ITM2B: variants seen among roughly 807,000 people sequenced by gnomAD.
ITM2B encodes the protein integral membrane protein 2B.
A neutral mutation model predicts 27.8 loss-of-function variants in ITM2B; 11 were observed. The ratio of observed to expected loss-of-function variants is 0.40; its 90% confidence interval spans 0.25 to 0.66. The LOEUF is 0.66. Among genes scored for constraint, ITM2B ranks in the 30% least tolerant of loss-of-function variants. The pLI is 0.43. For synonymous variants in ITM2B, 114 were observed against 114.3 expected (o/e 1.00, Z 0.02); for missense variants, 296 against 328.9 (o/e 0.90, Z 0.77).
At position 48,268,180 on chromosome 13, in the gene ITM2B, A is replaced by G. The variant is rs1466126110; in HGVS notation, c.*6956A>G. The G allele has an allele frequency of 6.6e-6, 1 of 152,192 alleles. No homozygotes were observed. Among genetic ancestry groups the G allele is most frequent in the East Asian group, 1.9e-4 (1 of 5,206 alleles). 9.4% of individuals were successfully genotyped at this position (152,192 alleles called of 1,614,324 possible). ...TCTTTTTGTTTGGCTTTTAAAACTCAGTATAACGTTTTGACATTTGTCCAT... is the reference window on the plus strand; with the variant it reads ...TCTTTTTGTTTGGCTTTTAAAACTCGGTATAACGTTTTGACATTTGTCCAT... On this transcript the variant is annotated 3_prime_UTR_variant, in exon 6 of 6. Coordinates refer to ENST00000647800, the MANE Select transcript of ITM2B (RefSeq NM_021999.5).
At position 48,265,630 on chromosome 13, in the gene ITM2B, T is replaced by G. The variant is rs2138001417; in HGVS notation, c.*4406T>G. 1 of 152,726 alleles carries G rather than the reference T, an allele frequency of 6.5e-6. No individual in the cohort carries two copies. The highest frequency in any genetic ancestry group is 1.5e-5 in the Non-Finnish European group (1 of 68,198). The allele number at this position is 152,726 out of a possible 1,614,324, so 9.5% of individuals were successfully genotyped here. ...TGCACAGTCCAGTCCCAACCCACTCTCCAGCTTCATCTTAATCACACCCCT... is the reference window on the plus strand; with the variant it reads ...TGCACAGTCCAGTCCCAACCCACTCGCCAGCTTCATCTTAATCACACCCCT... On this transcript the variant is annotated 3_prime_UTR_variant, in exon 6 of 6. Transcript: ENST00000647800.
rs375438009 is a variant in ITM2B at position 48,245,908 on chromosome 13, A to G, written c.118-7900A>G. 5.3e-4 allele frequency among the ~76,000 whole-genome samples: 81 copies of G among 151,926 alleles called. No individual in the cohort carries two copies. In the East Asian group the frequency reaches 0.015, roughly 27 times the overall value. On this transcript the variant is annotated intron_variant, in intron 1 of 5. Coordinates refer to ENST00000647800, the MANE Select transcript of ITM2B (RefSeq NM_021999.5). ...ATTCTCCTGCCTCAGCCTCCCGAGT[A>G]GCTGGGACTACAGGCGCCTGCCACC...
At chr13:48,251,936 C>G (rs191671107) in intron 1 of ITM2B, among the ~76,000 whole-genome samples, 1 of 152,340 alleles carries the variant, frequency 6.6e-6, no homozygotes, top group African/African-American at 2.4e-5. Flanking sequence ...CTTTTCACAG[C>G]TGGGATATCT....
rs1202112246 is a variant in ITM2B at position 48,264,981 on chromosome 13, G to C, written c.*3757G>C. The C allele has an allele frequency of 6.6e-6, 1 of 151,980 alleles. No homozygotes were observed. Among genetic ancestry groups the C allele is most frequent in the Non-Finnish European group, 1.5e-5 (1 of 68,006 alleles). The allele number at this position is 151,980 out of a possible 1,614,324, so 9.4% of individuals were successfully genotyped here. ...TAGATTCCACACTTTTAATCTTCCA[G>C]CCACCTATTGCAGATTGGTTCTGAG... On this transcript the variant is annotated 3_prime_UTR_variant, in exon 6 of 6. Coordinates refer to ENST00000647800, the MANE Select transcript of ITM2B (RefSeq NM_021999.5).
chr13:48,252,925 G>T (rs1267251700), intron 1 of ITM2B, among the ~76,000 whole-genome samples: 1 of 152,192 alleles, frequency 6.6e-6, no homozygotes, highest in Non-Finnish European at 1.5e-5. Flanking sequence ...ATTCTAAAGT[G>T]ACAGATTAGA....
At position 48,266,002 on chromosome 13, in the gene ITM2B, T is replaced by G. The variant is rs1038679406; in HGVS notation, c.*4778T>G. On this transcript the variant is annotated 3_prime_UTR_variant, in exon 6 of 6. Coordinates refer to ENST00000647800, the MANE Select transcript of ITM2B (RefSeq NM_021999.5). ...GCACCTGACACATAGTTGCAGCTCT[T>G]ATTTATTGAATGAATGAATGATTCC... The G allele has an allele frequency of 6.6e-6, 1 of 152,172 alleles. No homozygotes were observed. Among genetic ancestry groups the G allele is most frequent in the Non-Finnish European group, 1.5e-5 (1 of 68,038 alleles). 9.4% of individuals were successfully genotyped at this position (152,172 alleles called of 1,614,324 possible).
At chr13:48,259,182 C>A (rs1436225997) in intron 5 of ITM2B, among the ~76,000 whole-genome samples, 1 of 152,170 alleles carries the variant, frequency 6.6e-6, no homozygotes, top group African/African-American at 2.4e-5. Flanking sequence ...GATGATGGTA[C>A]CTCATTTTCC....
chr13:48,233,597 C>T lies in ITM2B; in HGVS notation c.117+120C>T, dbSNP rs922755135. ...CGGGGCTCGCGCCGCGGGGACAAGTCCCCGAGAGAGCCCGGCGCTCCCGTT... is the reference window on the plus strand; with the variant it reads ...CGGGGCTCGCGCCGCGGGGACAAGTTCCCGAGAGAGCCCGGCGCTCCCGTT... On this transcript the variant is annotated intron_variant, in intron 1 of 5. Coordinates refer to ENST00000647800, the MANE Select transcript of ITM2B (RefSeq NM_021999.5). The T allele has an allele frequency of 3.7e-5, 20 of 541,890 alleles. No individual in the cohort carries two copies. The South Asian group carries it at 5.4e-4, about 15-fold the overall frequency. The allele number at this position is 541,890 out of a possible 1,614,324, so 33.6% of individuals were successfully genotyped here. A position where few individuals can be genotyped will look rare whatever the true frequency, so the allele number is the denominator to read the frequency against.
chr13:48,253,966 ATT>A (rs201823693), intron 2 of ITM2B, 30 bp downstream of exon 2: 12,952 of 1,396,336 alleles, frequency 9.3e-3, no homozygotes, highest in Admixed American at 0.012. Context: ...TGTGTCTCTG[ATT>A]TTTTTTTTTT....
At position 48,266,236 on chromosome 13, in the gene ITM2B, C is replaced by T. The variant is rs1951852850; in HGVS notation, c.*5012C>T. On this transcript the variant is annotated 3_prime_UTR_variant, in exon 6 of 6. Transcript: ENST00000647800. ...TCCTGCCCTCACTAGACTTCTCTCA[C>T]CATTTCTCTGTTTGCATCCTAGCCT... The T allele has an allele frequency of 1.3e-5, 2 of 152,170 alleles. No homozygotes were observed. Among genetic ancestry groups the T allele is most frequent in the African/African-American group, 4.8e-5 (2 of 41,424 alleles). 9.4% of individuals were successfully genotyped at this position (152,170 alleles called of 1,614,324 possible). A position where few individuals can be genotyped will look rare whatever the true frequency, so the allele number is the denominator to read the frequency against.
rs966579846 is a variant in ITM2B, at chr13:48,265,337, A to G, written c.*4113A>G. ...GATGCAAACGCCTTCTTCTTTCCAAACAGTGTGGTCTTATCCCCGTCGCAA... is the reference window on the plus strand; with the variant it reads ...GATGCAAACGCCTTCTTCTTTCCAAGCAGTGTGGTCTTATCCCCGTCGCAA... On this transcript the variant is annotated 3_prime_UTR_variant, in exon 6 of 6. Coordinates refer to ENST00000647800, the MANE Select transcript of ITM2B (RefSeq NM_021999.5). The G allele has an allele frequency of 3.3e-5, 5 of 152,038 alleles. No homozygotes were observed. The highest frequency in any genetic ancestry group is 1.2e-4 in the African/African-American group (5 of 41,372). The allele number at this position is 152,038 out of a possible 1,614,324, so 9.4% of individuals were successfully genotyped here. A position where few individuals can be genotyped will look rare whatever the true frequency, so the allele number is the denominator to read the frequency against.
chr13:48,255,395 A>C (rs1951780552), intron 2 of ITM2B, among the ~76,000 whole-genome samples: 1 of 152,104 alleles, frequency 6.6e-6, no homozygotes, highest in Non-Finnish European at 1.5e-5. Context: ...GGGCTCAGGC[A>C]ATCCTCCCGC....
intron 1 of ITM2B, among the ~76,000 whole-genome samples, chr13:48,234,308 C>A (rs901113835): frequency 6.6e-6 from 1 of 152,030 alleles, no homozygotes; most frequent in African/African-American, 2.4e-5. Context: ...ACTGTGTTGA[C>A]TTTTAGTAGG....
At chr13:48,243,312 A>G (rs929777849) in intron 1 of ITM2B, among the ~76,000 whole-genome samples, 14 of 152,186 alleles carry the variant, frequency 9.2e-5, no homozygotes, top group African/African-American at 3.4e-4. Context: ...TGAAATGCTT[A>G]TGTGCTGGTG....
chr13:48,251,207 A>G (rs1050056175), intron 1 of ITM2B, among the ~76,000 whole-genome samples: 1 of 152,198 alleles, frequency 6.6e-6, no homozygotes, highest in Non-Finnish European at 1.5e-5. Context: ...GGCTCTTGGA[A>G]ATGTCATGCA....
chr13:48,255,783 C>T (rs1951783480), intron 2 of ITM2B, among the ~76,000 whole-genome samples: 1 of 152,046 alleles, frequency 6.6e-6, no homozygotes, highest in African/African-American at 2.4e-5. Context: ...ATTAGTAGAC[C>T]ATATCAAAAC....
intron 1 of ITM2B, among the ~76,000 whole-genome samples, chr13:48,245,521 A>G (rs1043466609): frequency 6.6e-6 from 1 of 151,458 alleles, no homozygotes; most frequent in East Asian, 1.9e-4. Flanking sequence ...TTCTAAATGC[A>G]TTGCGTTGAT....
At chr13:48,250,233 T>C (rs1474801791) in intron 1 of ITM2B, among the ~76,000 whole-genome samples, 4 of 152,228 alleles carry the variant, frequency 2.6e-5, no homozygotes, top group African/African-American at 9.6e-5. Flanking sequence ...TTATGAATTA[T>C]GTTGCATCTC....
intron 1 of ITM2B, among the ~76,000 whole-genome samples, chr13:48,249,303 C>T (rs1353491646): frequency 2.0e-5 from 3 of 152,056 alleles, no homozygotes; most frequent in Non-Finnish European, 2.9e-5. Flanking sequence ...GATTCAGTCC[C>T]GCTGGTGTGT....
Sources: allele counts gnomAD v4.1 joint callset (sites outside exome capture counted in the v4.1 genomes callset), GRCh38; gene constraint gnomAD v4.1.1; transcripts MANE v1.5; gene names NCBI Gene and HGNC (gene_info 2026-07-23, HGNC 2026-07-21).